PTPRK: variants seen among roughly 807,000 people sequenced by gnomAD.
PTPRK encodes protein tyrosine phosphatase receptor type K.
In PTPRK, 75 loss-of-function variants were observed where a neutral mutation model predicts 178.0. The observed-to-expected ratio is 0.42, with a 90% CI of 0.35 to 0.51. PTPRK has a LOEUF of 0.51. PTPRK is among the 20% of genes least tolerant of loss of function. PTPRK has a pLI of 0.02. For missense variants in PTPRK, 1,441 were observed against 1,797.8 expected, an observed-to-expected ratio of 0.80 and a Z score of 3.59; for synonymous variants, 637 against 620.6, an observed-to-expected ratio of 1.03 and a Z score of -0.39.
chr6:128,501,344 G>C (rs1395056790), intron 1 of PTPRK, among the ~76,000 whole-genome samples: 1 of 151,702 alleles, frequency 6.6e-6, no homozygotes, highest in African/African-American at 2.4e-5. Flanking sequence ...TAAGTCATAA[G>C]TCACTTGGGG....
At chr6:128,259,463 G>GCA (rs915036042) in intron 3 of PTPRK, among the ~76,000 whole-genome samples, 2 of 152,082 alleles carry the variant, frequency 1.3e-5, no homozygotes, top group Non-Finnish European at 2.9e-5. Flanking sequence ...ATATGCACAT[G>GCA]CACACACACA....
chr6:128,399,832 G>A (rs1342844995), intron 1 of PTPRK, among the ~76,000 whole-genome samples: 1 of 152,096 alleles, frequency 6.6e-6, no homozygotes, highest in Non-Finnish European at 1.5e-5. Context: ...AAAATAAGTG[G>A]GTCAATGCTT....
intron 14 of PTPRK, among the ~76,000 whole-genome samples, chr6:128,008,669 T>C (rs1363277188): frequency 6.6e-6 from 1 of 151,148 alleles, no homozygotes; most frequent in South Asian, 2.1e-4. Context: ...TTTTAGTCAA[T>C]GAATATTTAA....
intron 29 of PTPRK, 100 bp from the exon 30 acceptor site, chr6:127,970,380 C>A: frequency 4.9e-6 from 4 of 816,062 alleles, no homozygotes; most frequent in East Asian, 2.9e-5. Context: ...TTAGATTACT[C>A]AAGGATTACA....
intron 13 of PTPRK, among the ~76,000 whole-genome samples, chr6:128,043,864 A>AT (rs1777607785): frequency 6.6e-6 from 1 of 151,874 alleles, no homozygotes; most frequent in Non-Finnish European, 1.5e-5. Flanking sequence ...AAGGGACCAT[A>AT]TTTTTTAGTA....
intron 1 of PTPRK, among the ~76,000 whole-genome samples, chr6:128,481,283 C>A (rs567122023): frequency 6.6e-6 from 1 of 152,068 alleles, no homozygotes; most frequent in Non-Finnish European, 1.5e-5. Context: ...TGTTAACTGG[C>A]CACTTCCCTT....
chr6:128,212,243 G>T (rs1380225431), intron 6 of PTPRK, among the ~76,000 whole-genome samples: 2 of 151,600 alleles, frequency 1.3e-5, no homozygotes, highest in Admixed American at 6.6e-5. Context: ...GATTTTTTTG[G>T]CATTTGTCTT....
chr6:128,243,813 A>C lies in PTPRK; in HGVS notation c.496-1211T>G, dbSNP rs114572540. ...CATGGGGATACATACATTATTTTGG[A>C]GTATTTGCAAAGCATTTTTTAAAAT... On this transcript the variant is annotated intron_variant, in intron 3 of 29. Transcript: ENST00000368226. Among the ~76,000 whole-genome samples the C allele has an allele frequency of 4.8e-3, 729 of 152,328 alleles. 7 individuals carry two copies. The highest frequency in any genetic ancestry group is 0.017 in the African/African-American group (703 of 41,574).
chr6:127,994,690 T>G (rs1040819085), intron 18 of PTPRK, among the ~76,000 whole-genome samples: 1 of 151,916 alleles, frequency 6.6e-6, no homozygotes, highest in Non-Finnish European at 1.5e-5. Flanking sequence ...TAGATATGTA[T>G]GTAATCAAAA....
intron 5 of PTPRK, among the ~76,000 whole-genome samples, chr6:128,223,828 T>A (rs77799624): frequency 0.03 from 4,526 of 152,242 alleles, 240 homozygotes; most frequent in African/African-American, 0.1. Flanking sequence ...CTAGGTTTGA[T>A]GACCTAAAAT....
intron 2 of PTPRK, among the ~76,000 whole-genome samples, chr6:128,359,039 A>G (rs543022352): frequency 6.6e-6 from 1 of 152,332 alleles, no homozygotes; most frequent in Non-Finnish European, 1.5e-5. Context: ...TACTGTAGAC[A>G]ATACCCTAAT....
At chr6:128,515,372 CTT>C (rs1857821981) in intron 1 of PTPRK, among the ~76,000 whole-genome samples, 1 of 151,370 alleles carries the variant, frequency 6.6e-6, no homozygotes, top group Non-Finnish European at 1.5e-5. Context: ...GAATTGATGT[CTT>C]GTACTTTTTT....
chr6:128,342,251 T>C (rs1831766649), intron 2 of PTPRK, among the ~76,000 whole-genome samples: 1 of 151,548 alleles, frequency 6.6e-6, no homozygotes, highest in African/African-American at 2.4e-5. Context: ...AGACTCCATC[T>C]CAAACAAAAA....
chr6:128,456,732 G>A (rs998257922), intron 1 of PTPRK, among the ~76,000 whole-genome samples: 2 of 152,016 alleles, frequency 1.3e-5, no homozygotes, highest in African/African-American at 4.8e-5. Flanking sequence ...GGGTCTTTCC[G>A]GTTTTTAAGC....
chr6:128,375,085 T>TATC (rs72250337), intron 2 of PTPRK, among the ~76,000 whole-genome samples: 3 of 147,362 alleles, frequency 2.0e-5, no homozygotes, highest in Non-Finnish European at 4.5e-5. Flanking sequence ...TTATTATTAT[T>TATC]ATTATTATTA....
chr6:128,164,186 T>C (rs190732524), intron 7 of PTPRK, among the ~76,000 whole-genome samples: 4 of 151,496 alleles, frequency 2.6e-5, no homozygotes, highest in African/African-American at 7.2e-5. Context: ...TAAATATCTA[T>C]ACCAAGATAA....
At chr6:127,976,866 C>A (rs1774664307) in intron 26 of PTPRK, 57 bp downstream of exon 26, 8 of 1,609,866 alleles carry the variant, frequency 5.0e-6, no homozygotes, top group Non-Finnish European at 5.9e-6. Flanking sequence ...TTTAGCAATT[C>A]ATTACTACTC....
intron 6 of PTPRK, among the ~76,000 whole-genome samples, chr6:128,210,316 G>C (rs1807878990): frequency 6.6e-6 from 1 of 151,382 alleles, no homozygotes; most frequent in Non-Finnish European, 1.5e-5. Flanking sequence ...CTTACTGATA[G>C]TAGGCATTAC....
chr6:128,141,624 T>C (rs1040329552), intron 7 of PTPRK, among the ~76,000 whole-genome samples: 5 of 151,980 alleles, frequency 3.3e-5, no homozygotes, highest in Admixed American at 3.3e-4. Flanking sequence ...AAACCTGAGG[T>C]ATAGCATTTT....
Sources: gnomAD v4.1 joint callset for allele counts (sites outside exome capture counted in the v4.1 genomes callset) on GRCh38, gnomAD v4.1.1 for gene constraint, MANE v1.5 for transcripts, NCBI Gene and HGNC (gene_info 2026-07-23, HGNC 2026-07-21) for gene names.